The following SWT1 variants were observed in gnomAD, a reference collection of about 807,000 sequenced individuals.
The protein encoded by SWT1 is transcriptional protein SWT1.
SWT1 carries 33 observed loss-of-function variants against 107.3 expected under a neutral mutation model. That is an observed-to-expected ratio of 0.31 (90% CI 0.23 to 0.41). The LOEUF is 0.41. Ranked by LOEUF, SWT1 falls within the 10% of genes least tolerant of loss-of-function variation. SWT1 has a pLI of 1.00. For synonymous variants in SWT1, 345 were observed against 348.3 expected (o/e 0.99, Z 0.11); for missense variants, 898 against 1,028.9 (o/e 0.87, Z 1.74).
chr1:185,252,064 G>A (rs946792751), intron 16 of SWT1, among the ~76,000 whole-genome samples: 11 of 151,902 alleles, frequency 7.2e-5, no homozygotes, highest in African/African-American at 2.4e-4. Context: ...TTGTTCTTGC[G>A]ATAGTTTACT....
At chr1:185,224,892 A>G (rs959405668) in intron 15 of SWT1, among the ~76,000 whole-genome samples, 3 of 152,100 alleles carry the variant, frequency 2.0e-5, no homozygotes, top group Non-Finnish European at 4.4e-5. Context: ...ATATACGATC[A>G]TGTTGTCTGT....
chr1:185,169,016 G>C (rs1331612479), intron 4 of SWT1, among the ~76,000 whole-genome samples: 3 of 152,070 alleles, frequency 2.0e-5, no homozygotes, highest in Non-Finnish European at 4.4e-5. Context: ...CCAAAAATAA[G>C]AAGTTAAGGG....
chr1:185,176,713 G>C (rs970725028), intron 5 of SWT1: 2 of 983,810 alleles, frequency 2.0e-6, no homozygotes, highest in African/African-American at 3.5e-5. Context: ...GGCCAGGCCT[G>C]GTGCCTCACA....
intron 16 of SWT1, among the ~76,000 whole-genome samples, chr1:185,232,358 G>C (rs1660563197): frequency 6.6e-6 from 1 of 152,044 alleles, no homozygotes; most frequent in African/African-American, 2.4e-5. Context: ...GTTCACTCTA[G>C]ATTGCATAAA....
intron 12 of SWT1, 125 bp from the exon 13 acceptor site, chr1:185,206,500 A>G: frequency 3.8e-6 from 2 of 529,728 alleles, no homozygotes; most frequent in Non-Finnish European, 6.2e-6. Context: ...TACATCTTTT[A>G]ATTTAAAAAG....
rs148984323 is a variant in SWT1 at position 185,160,352 on chromosome 1, G to T, written c.-9-481G>T. On this transcript the variant is annotated intron_variant, in intron 1 of 18. Transcript: ENST00000367500. ...GAGAGGAGTGGGTAATTTTGAAGGA[G>T]AATGAAAGTGAAGAAAAGTGGAATA... Among the ~76,000 whole-genome samples, 153 of 152,188 alleles carry T rather than the reference G, an allele frequency of 1.0e-3. 2 individuals carry two copies. The highest frequency in any genetic ancestry group is 3.6e-3 in the African/African-American group (151 of 41,522).
chr1:185,206,600 T>G, intron 12 of SWT1, 25 bp from the exon 13 acceptor site: 1 of 1,398,870 alleles, frequency 7.1e-7, no homozygotes, highest in Admixed American at 2.6e-5. Flanking sequence ...CTAGAGATGT[T>G]AATTTTTTTC....
chr1:185,185,713 A>G (rs1656411842), intron 9 of SWT1, among the ~76,000 whole-genome samples: 1 of 152,168 alleles, frequency 6.6e-6, no homozygotes. Context: ...GGTATTAACT[A>G]TGAGAAGGCT....
chr1:185,216,580 A>C (rs1050194097), intron 14 of SWT1, among the ~76,000 whole-genome samples: 3 of 152,202 alleles, frequency 2.0e-5, no homozygotes, highest in African/African-American at 7.2e-5. Context: ...GTACCATGAA[A>C]ATATGATGTT....
chr1:185,229,574 G>A (rs1394067684), intron 15 of SWT1, among the ~76,000 whole-genome samples: 1 of 151,490 alleles, frequency 6.6e-6, no homozygotes, highest in Non-Finnish European at 1.5e-5. Context: ...GGCTTTCCTG[G>A]AAGATGTTGT....
chr1:185,209,458 A>T (rs1175067809), intron 13 of SWT1, among the ~76,000 whole-genome samples: 1 of 152,022 alleles, frequency 6.6e-6, no homozygotes, highest in Non-Finnish European at 1.5e-5. Flanking sequence ...CCCACATATG[A>T]GTGAGAACAT....
At chr1:185,216,877 A>T (rs1459324764) in intron 14 of SWT1, among the ~76,000 whole-genome samples, 1 of 151,854 alleles carries the variant, frequency 6.6e-6, no homozygotes, top group Non-Finnish European at 1.5e-5. Context: ...ACCTGAACCC[A>T]GGAGGCAGAG....
At chr1:185,254,662 T>C (rs977918442) in intron 16 of SWT1, among the ~76,000 whole-genome samples, 12 of 152,224 alleles carry the variant, frequency 7.9e-5, no homozygotes, top group African/African-American at 2.6e-4. Context: ...TATTTGATTC[T>C]TCTTTCTTTT....
chr1:185,222,276 C>T (rs767411998), intron 15 of SWT1, among the ~76,000 whole-genome samples: 1 of 151,992 alleles, frequency 6.6e-6, no homozygotes, highest in Non-Finnish European at 1.5e-5. Context: ...TCACAAGTGA[C>T]AGAATAACGT....
intron 2 of SWT1, among the ~76,000 whole-genome samples, chr1:185,164,376 G>A (rs368625256): frequency 6.6e-6 from 1 of 152,280 alleles, no homozygotes; most frequent in Admixed American, 6.5e-5. Flanking sequence ...GTCACCAACT[G>A]CATTAGCCCC....
At chr1:185,157,502 T>C (rs1431342658) in intron 1 of SWT1, 188 bp downstream of exon 1, 1 of 152,470 alleles carries the variant, frequency 6.6e-6, no homozygotes, top group African/African-American at 2.4e-5. Context: ...CTGGCCCGGC[T>C]TGCCTCCGGG....
intron 16 of SWT1, among the ~76,000 whole-genome samples, chr1:185,239,491 A>T (rs866521465): frequency 1.7e-4 from 26 of 152,090 alleles, no homozygotes; most frequent in African/African-American, 6.0e-4. Context: ...TAATTTTGCA[A>T]AGTTAGAAAA....
At chr1:185,172,976 G>A (rs1414915293) in intron 4 of SWT1, among the ~76,000 whole-genome samples, 2 of 150,832 alleles carry the variant, frequency 1.3e-5, no homozygotes, top group Admixed American at 1.3e-4. Context: ...CCTGGGAGGC[G>A]GAGGTTGTGG....
intron 16 of SWT1, among the ~76,000 whole-genome samples, chr1:185,235,566 A>AT (rs1305594714): frequency 6.6e-6 from 1 of 152,202 alleles, no homozygotes; most frequent in Non-Finnish European, 1.5e-5. Flanking sequence ...TGTATCTCAA[A>AT]ATAATAAGAG....
Sources: allele counts gnomAD v4.1 joint callset (sites outside exome capture counted in the v4.1 genomes callset), GRCh38; gene constraint gnomAD v4.1.1; transcripts MANE v1.5; gene names NCBI Gene and HGNC (gene_info 2026-07-23, HGNC 2026-07-21).